ERP27: variants seen among roughly 807,000 people sequenced by gnomAD.
ERP27 encodes endoplasmic reticulum resident protein 27.
ERP27 carries 23 observed loss-of-function variants against 27.7 expected under a neutral mutation model. That is an observed-to-expected ratio of 0.83 (90% CI 0.60 to 1.18). The LOEUF (loss-of-function observed/expected upper bound fraction) is 1.18. Ranked by LOEUF, ERP27 falls within the 50% of genes most tolerant of loss-of-function variation. The probability of loss-of-function intolerance (pLI) is 0.00; values close to 1 mark genes in which losing one functional copy is unlikely to be tolerated. For synonymous variants in ERP27, 159 were observed against 118.3 expected, an observed-to-expected ratio of 1.34 and a Z score of -2.23; for missense variants, 363 against 327.9, an observed-to-expected ratio of 1.11 and a Z score of -0.83.
chr12:14,921,927 C>G (rs1863510389), intron 3 of ERP27, among the ~76,000 whole-genome samples: 2 of 152,068 alleles, frequency 1.3e-5, no homozygotes, highest in South Asian at 4.1e-4. Context: ...TACATGTAAA[C>G]AAACTTCTTT....
intron 3 of ERP27, chr12:14,929,129 G>T (rs1863659065): frequency 6.9e-7 from 1 of 1,459,198 alleles, no homozygotes; most frequent in African/African-American, 1.4e-5. Context: ...GCTGTGCATG[G>T]ATCAAGAATC....
At position 14,923,068 on chromosome 12, in the gene ERP27, T is replaced by C. The variant is rs550931207; in HGVS notation, c.334-2020A>G. 2.5e-4 allele frequency among the ~76,000 whole-genome samples: 24 copies of C among 95,800 alleles called. No homozygotes were observed. The East Asian group carries it at 8.4e-3, about 34-fold the overall frequency. 62.8% of individuals were successfully genotyped at this position (95,800 alleles called of 152,430 possible). On this transcript the variant is annotated intron_variant, in intron 3 of 6. Transcript: ENST00000266397. The stretch of plus-strand genomic sequence containing the variant: ...CGGCCTGGGTGGCAGAGTGGAACTC[T>C]GTCTCAAAAAAAAAAAAAAAAAAAT...
At chr12:14,915,750 A>G (rs1219064133) in intron 5 of ERP27, 64 bp from the exon 6 acceptor site, 5 of 1,426,276 alleles carry the variant, frequency 3.5e-6, no homozygotes, top group Non-Finnish European at 4.9e-6. Flanking sequence ...ATAAAGAGAT[A>G]CCTTGTAATT....
intron 2 of ERP27, 135 bp from the exon 3 acceptor site, chr12:14,935,128 C>A: frequency 6.9e-7 from 1 of 1,454,114 alleles, no homozygotes; most frequent in African/African-American, 1.4e-5. Context: ...CATGATTTAC[C>A]CCTAACAATT....
At chr12:14,929,978 A>G (rs766919294) in intron 3 of ERP27, among the ~76,000 whole-genome samples, 4 of 151,364 alleles carry the variant, frequency 2.6e-5, no homozygotes, top group Non-Finnish European at 4.4e-5. Context: ...TTCATCATGG[A>G]CACAGGTAGG....
rs147449076 is a variant in ERP27, at chr12:14,915,682, A to T, written c.581T>A (p.Leu194His). 3 of 1,612,002 alleles carry T rather than the reference A, an allele frequency of 1.9e-6. No homozygotes were observed. The highest frequency in any genetic ancestry group is 2.5e-6 in the Non-Finnish European group (3 of 1,178,310). Residue 194 changes from leucine (L) to histidine (H), a missense_variant, in exon 6 of 7, where the codon CTC (leucine) becomes CAC (histidine). Physicochemically the swap from Leu to His is moderately conservative, Grantham distance 99 (BLOSUM62 -3). Transcript: ENST00000266397. Reference protein sequence around the residue: ...KAAKLFQGKILFILVDSGMKE... With the variant: ...KAAKLFQGKIHFILVDSGMKE... Reference sequence around the variant, plus strand: ...CATACCACTGTCCACCAGAATAAAGAGAATCTGCAGTTGGGGAAGTTTGAA... The same window carrying T: ...CATACCACTGTCCACCAGAATAAAGTGAATCTGCAGTTGGGGAAGTTTGAA...
chr12:14,923,830 C>T lies in ERP27; in HGVS notation c.334-2782G>A, dbSNP rs562920895. On this transcript the variant is annotated intron_variant, in intron 3 of 6. Coordinates refer to ENST00000266397, the MANE Select transcript of ERP27 (RefSeq NM_152321.4). ...ATCATAGTATTTAGCATATCCGTTG[C>T]TTCAAATATTCTTTGTGATGAGAAC... Among the ~76,000 whole-genome samples the T allele has an allele frequency of 4.7e-3, 713 of 152,128 alleles. 1 individual carries two copies. Among genetic ancestry groups the T allele is most frequent in the Non-Finnish European group, 8.0e-3 (543 of 68,018 alleles).
At chr12:14,933,705 A>T (rs1297746998) in intron 3 of ERP27, among the ~76,000 whole-genome samples, 1 of 152,208 alleles carries the variant, frequency 6.6e-6, no homozygotes, top group East Asian at 1.9e-4. Flanking sequence ...CTCAATGACC[A>T]ATGAAAGCAT....
chr12:14,933,429 A>G (rs994377403), intron 3 of ERP27, among the ~76,000 whole-genome samples: 32 of 152,200 alleles, frequency 2.1e-4, no homozygotes, highest in Admixed American at 1.3e-4. Context: ...AAAAGGGTTC[A>G]TTGAGTTTGG....
intron 3 of ERP27, chr12:14,928,803 T>G: frequency 1.4e-6 from 1 of 740,130 alleles, no homozygotes. Flanking sequence ...AGAGAAAAGG[T>G]CTTAGGTAGA....
In ERP27 at chr12:14,936,161, T is replaced by C. The variant is rs1565454737; in HGVS notation, c.196-1168A>G. Among the ~76,000 whole-genome samples, 4 of 151,400 alleles carry C rather than the reference T, an allele frequency of 2.6e-5. No individual in the cohort carries two copies. The East Asian group carries it at 7.7e-4, about 29-fold the overall frequency. On this transcript the variant is annotated intron_variant, in intron 2 of 6. Transcript: ENST00000266397. ...TGGATGAAAGGAAAAAATGCAAAAA[T>C]ATGAAATAGACGCCATCAAAAGGGC...
In ERP27 at chr12:14,922,641, G is replaced by A. The variant is rs77920701; in HGVS notation, c.334-1593C>T. Among the ~76,000 whole-genome samples the A allele has an allele frequency of 1.5e-3, 223 of 152,202 alleles. 3 individuals carry two copies. The East Asian group carries it at 0.03, about 20-fold the overall frequency. On this transcript the variant is annotated intron_variant, in intron 3 of 6. Coordinates refer to ENST00000266397, the MANE Select transcript of ERP27 (RefSeq NM_152321.4). The stretch of plus-strand genomic sequence containing the variant: ...AAGTTATCATCTTTATCGCTAATGT[G>A]TACTTTTTTGTTTTGTTTTAAGAAA...
rs1209848582 is a variant in ERP27 at position 14,937,954 on chromosome 12, G to A, written c.193C>T (p.Gln65Ter). ...ATEVAVIGFFQDLEIPAVPIL... is the reference protein window; with the variant it reads ...ATEVAVIGFF ...GGAATTGCAAGTAGGGAACTAACCT[G>A]GAAGAAGCCTATGACAGCCACCTCA... is the stretch of plus-strand genomic sequence containing the variant. Residue 65 changes from glutamine to a stop codon, truncating the protein, a stop_gained and splice_region_variant, in exon 2 of 7, where the codon CAG (glutamine) becomes TAG (stop). Coordinates refer to ENST00000266397, the MANE Select transcript of ERP27 (RefSeq NM_152321.4). LOFTEE classifies it high-confidence loss of function. The A allele has an allele frequency of 3.7e-6, 6 of 1,613,596 alleles. No individual in the cohort carries two copies. The highest frequency in any genetic ancestry group is 4.2e-6 in the Non-Finnish European group (5 of 1,179,710).
chr12:14,935,143 T>C, intron 2 of ERP27, 150 bp from the exon 3 acceptor site: 1 of 1,439,716 alleles, frequency 6.9e-7, no homozygotes, highest in South Asian at 1.5e-5. Context: ...ACAATTCAGG[T>C]TTAACTGGCA....
intron 3 of ERP27, among the ~76,000 whole-genome samples, chr12:14,923,401 A>C (rs777010554): frequency 2.6e-5 from 4 of 151,342 alleles, no homozygotes; most frequent in Non-Finnish European, 5.9e-5. Context: ...CATATATATA[A>C]TATTTACCAC....
intron 3 of ERP27, among the ~76,000 whole-genome samples, chr12:14,925,776 AAAGAGT>A (rs1330163057): frequency 6.6e-6 from 1 of 152,116 alleles, no homozygotes; most frequent in African/African-American, 2.4e-5. Flanking sequence ...ATTTTATTTA[AAAGAGT>A]GTTGGGGCCT....
At chr12:14,932,117 G>T (rs1045339529) in intron 3 of ERP27, among the ~76,000 whole-genome samples, 2 of 152,140 alleles carry the variant, frequency 1.3e-5, no homozygotes, top group African/African-American at 4.8e-5. Context: ...GTGCCTTTAA[G>T]GTGCCAGAGG....
At chr12:14,931,525 C>T (rs978980770) in intron 3 of ERP27, among the ~76,000 whole-genome samples, 1 of 152,154 alleles carries the variant, frequency 6.6e-6, no homozygotes, top group East Asian at 1.9e-4. Context: ...AGGGCAGGAA[C>T]CATTTTGTTT....
At chr12:14,934,246 T>TTTTTC (rs899492633) in intron 3 of ERP27, among the ~76,000 whole-genome samples, 3 of 152,178 alleles carry the variant, frequency 2.0e-5, no homozygotes, top group African/African-American at 7.2e-5. Flanking sequence ...TTCTGTTGTC[T>TTTTTC]TTTTCTTTTC....
Sources: gnomAD v4.1 joint callset for allele counts (sites outside exome capture counted in the v4.1 genomes callset) on GRCh38, gnomAD v4.1.1 for gene constraint, MANE v1.5 for transcripts, NCBI Gene and HGNC (gene_info 2026-07-23, HGNC 2026-07-21) for gene names.